SLC24A1: variants seen among roughly 807,000 people sequenced by gnomAD.
The protein encoded by SLC24A1 is sodium/potassium/calcium exchanger 1.
A neutral mutation model predicts 88.1 loss-of-function variants in SLC24A1; 52 were observed. The observed-to-expected ratio is 0.59, with a 90% confidence interval of 0.47 to 0.74. The LOEUF is 0.74. Ranked by LOEUF, SLC24A1 falls within the 30% of genes least tolerant of loss-of-function variation. The pLI is 0.00. For missense variants in SLC24A1, 1,173 were observed against 1,363.3 expected (o/e 0.86, Z 2.20); for synonymous variants, 455 against 498.0 (o/e 0.91, Z 1.15).
chr15:65,637,941 T>C (rs961008613), intron 2 of SLC24A1, among the ~76,000 whole-genome samples, 187 bp from the exon 3 acceptor site: 4 of 152,168 alleles, frequency 2.6e-5, no homozygotes, highest in Non-Finnish European at 5.9e-5. Context: ...GGTACTGCAT[T>C]GCAGGCTGAA....
At chr15:65,642,167 T>G (rs1221827497) in intron 4 of SLC24A1, among the ~76,000 whole-genome samples, 1 of 152,144 alleles carries the variant, frequency 6.6e-6, no homozygotes, top group Non-Finnish European at 1.5e-5. Flanking sequence ...GATGAGGGCC[T>G]TTGTTCCCCA....
downstream of SLC24A1, among the ~76,000 whole-genome samples, chr15:65,656,598 G>C (rs2075690899): frequency 6.6e-6 from 1 of 152,192 alleles, no homozygotes; most frequent in South Asian, 2.1e-4. Flanking sequence ...TTTATAGGCA[G>C]AATATTCTGT....
chr15:65,656,695 G>C (rs1199012003), downstream of SLC24A1, among the ~76,000 whole-genome samples: 1 of 152,216 alleles, frequency 6.6e-6, no homozygotes, highest in Admixed American at 6.5e-5. Context: ...TTGGAAGTCA[G>C]TGGCTACATG....
Position 65,624,832 on chromosome 15 carries a change from G to C in SLC24A1, c.752G>C (p.Gly251Ala). ...GAAACCACCCCAACCACTCTCAAGGGAATGTTTGATAGCACCCCAACTTTT... is the reference window on the plus strand; with the variant it reads ...GAAACCACCCCAACCACTCTCAAGGCAATGTTTGATAGCACCCCAACTTTT... Reference protein sequence around the residue: ...MEETTPTTLKGMFDSTPTFLT... With the variant: ...MEETTPTTLKAMFDSTPTFLT... Residue 251 changes from glycine to alanine, a missense_variant, in exon 2 of 10, where the codon GGA becomes GCA. Gly to Ala is a moderately conservative substitution (Grantham distance 60). Transcript: ENST00000261892. 6.2e-7 allele frequency: 1 copy of C among 1,614,018 alleles called. No individual in the cohort carries two copies. The highest frequency in any genetic ancestry group is 8.5e-7 in the Non-Finnish European group (1 of 1,179,880).
chr15:65,641,094 G>C (rs549227553), intron 4 of SLC24A1, among the ~76,000 whole-genome samples: 1 of 152,002 alleles, frequency 6.6e-6, no homozygotes, highest in African/African-American at 2.4e-5. Flanking sequence ...TTTTAAAAAG[G>C]CTGGACACAG....
At chr15:65,660,328 G>A (rs2075813656), downstream of SLC24A1, 1 of 1,533,024 alleles carries the variant, frequency 6.5e-7, no homozygotes, top group Admixed American at 2.0e-5. Flanking sequence ...CTAATGGTGT[G>A]AACTCAAAAG....
Position 65,655,674 on chromosome 15 carries a change from T to A in SLC24A1, c.*1595T>A, listed in dbSNP as rs549093248. On this transcript the variant is annotated 3_prime_UTR_variant, in exon 10 of 10. Transcript: ENST00000261892. ...AACATGAGGAATGATTCACTGAAGA[T>A]GAAAAGATAGGACGGATGTGATATG... 3 of 985,416 alleles carry A rather than the reference T, an allele frequency of 3.0e-6. No homozygotes were observed. In the African/African-American group the frequency reaches 5.2e-5, roughly 17 times the overall value. 61.0% of individuals were successfully genotyped at this position (985,416 alleles called of 1,614,324 possible). A position where few individuals can be genotyped will look rare whatever the true frequency, so the allele number is the denominator to read the frequency against.
intron 2 of SLC24A1, among the ~76,000 whole-genome samples, chr15:65,613,391 C>T (rs1284208139): frequency 6.6e-6 from 1 of 152,094 alleles, no homozygotes; most frequent in African/African-American, 2.4e-5. Context: ...GTTGAAAATG[C>T]AGATTCCCAG....
chr15:65,648,417 G>A (rs2075381837), intron 6 of SLC24A1, among the ~76,000 whole-genome samples: 1 of 152,106 alleles, frequency 6.6e-6, no homozygotes, highest in Non-Finnish European at 1.5e-5. Context: ...GGATGGACCA[G>A]CATATTGCTA....
At chr15:65,616,256 A>G (rs142912094) in intron 2 of SLC24A1, among the ~76,000 whole-genome samples, 12,450 of 152,194 alleles carry the variant, frequency 0.082, 647 homozygotes, top group African/African-American at 0.16. Context: ...TAATGGAATT[A>G]CTGGGTCAAA....
At position 65,654,337 on chromosome 15, in the gene SLC24A1, T is replaced by C. The variant is rs2075606590; in HGVS notation, c.*258T>C. On this transcript the variant is annotated 3_prime_UTR_variant, in exon 10 of 10. Transcript: ENST00000261892. ...GCAGACATCTATTACATGGAGGCAG[T>C]AGAAGGACCCCTGGAGCCAGAGGGT... 1.6e-6 allele frequency: 2 copies of C among 1,275,226 alleles called. No homozygotes were observed. Among genetic ancestry groups the C allele is most frequent in the Non-Finnish European group, 2.0e-6 (2 of 1,010,230 alleles). 79.0% of individuals were successfully genotyped at this position (1,275,226 alleles called of 1,614,324 possible). A position where few individuals can be genotyped will look rare whatever the true frequency, so the allele number is the denominator to read the frequency against.
downstream of SLC24A1, chr15:65,660,066 T>C (rs994431474): frequency 4.2e-6 from 2 of 472,496 alleles, no homozygotes; most frequent in Admixed American, 3.8e-5. Context: ...CTCTGAAATG[T>C]TTCTCTCAGT....
intron 6 of SLC24A1, among the ~76,000 whole-genome samples, chr15:65,647,921 A>G (rs987327011): frequency 1.1e-4 from 16 of 152,200 alleles, no homozygotes; most frequent in Non-Finnish European, 1.9e-4. Context: ...CCCTCAACCA[A>G]TGAAGTCAGA....
Position 65,624,279 on chromosome 15 carries a change from C to T in SLC24A1, c.199C>T (p.Leu67Phe). The stretch of plus-strand genomic sequence containing the variant: ...GCCTATAAAACTGGCCAGTCGGGAC[C>T]TCTCCAGTGAAGAGATGATGATGAT... ...HQPIKLASRD[L>F]SSEEMMMMSS... The change falls in exon 2 of 10, where the codon CTC becomes TTC. Residue 67 changes from leucine (L) to phenylalanine (F), a missense_variant. Leu to Phe is a conservative substitution (Grantham distance 22, BLOSUM62 0). Transcript: ENST00000261892. The T allele has an allele frequency of 6.2e-7, 1 of 1,613,808 alleles. No homozygotes were observed. The highest frequency in any genetic ancestry group is 8.5e-7 in the Non-Finnish European group (1 of 1,179,820).
intron 7 of SLC24A1, 138 bp from the exon 8 acceptor site, chr15:65,651,532 T>G (rs1198198654): frequency 1.6e-6 from 1 of 630,422 alleles, no homozygotes; most frequent in African/African-American, 1.8e-5. Flanking sequence ...GAGAGAGAGC[T>G]CTCAGGTCAA....
At chr15:65,612,514 C>A in intron 1 of SLC24A1, 1 of 152,406 alleles carries the variant, frequency 6.6e-6, no homozygotes. Context: ...GGGGCCAGGG[C>A]CCTGCAGACT....
chr15:65,625,800 C>G lies in SLC24A1; in HGVS notation c.1720C>G (p.Leu574Val), dbSNP rs1007660595. 1 of 1,614,044 alleles carries G rather than the reference C, an allele frequency of 6.2e-7. No individual in the cohort carries two copies. The highest frequency in any genetic ancestry group is 8.5e-7 in the Non-Finnish European group (1 of 1,179,896). The part of the protein sequence containing the change: ...FYILDLIMLI[L>V]FFLDSLIAWW... ...CATCCTTGACCTGATAATGCTCATC[C>G]TCTTCTTCCTGGACAGCCTCATTGC... Residue 574 changes from leucine (L) to valine (V), a missense_variant, in exon 2 of 10, where the codon CTC becomes GTC. Physicochemically the swap from Leu to Val is conservative, Grantham distance 32 (BLOSUM62 1). Coordinates refer to ENST00000261892, the MANE Select transcript of SLC24A1 (RefSeq NM_004727.3).
upstream of SLC24A1, among the ~76,000 whole-genome samples, chr15:65,620,898 C>G (rs2074298323): frequency 6.6e-6 from 1 of 152,200 alleles, no homozygotes; most frequent in Non-Finnish European, 1.5e-5. Flanking sequence ...GTTCTGCCCA[C>G]AGCAGCATAA....
intron 6 of SLC24A1, among the ~76,000 whole-genome samples, chr15:65,648,009 C>T (rs558868720): frequency 6.6e-6 from 1 of 152,152 alleles, no homozygotes; most frequent in Non-Finnish European, 1.5e-5. Context: ...GCCTGTAATC[C>T]CAGCACTTTG....
Sources: gnomAD v4.1 joint callset for allele counts (sites outside exome capture counted in the v4.1 genomes callset) on GRCh38, gnomAD v4.1.1 for gene constraint, MANE v1.5 for transcripts, NCBI Gene and HGNC (gene_info 2026-07-23, HGNC 2026-07-21) for gene names.